Variants in PLEKHM3 observed in about 807,000 individuals in gnomAD.
The protein encoded by PLEKHM3 is pleckstrin homology domain-containing family M member 3.
Under a neutral mutation model 81.8 loss-of-function variants are expected in PLEKHM3, and 45 were observed. That is an observed-to-expected ratio of 0.55 (90% confidence interval 0.43 to 0.71). PLEKHM3 has a LOEUF of 0.71. PLEKHM3 is among the 30% of genes least tolerant of loss of function. PLEKHM3 has a pLI of 0.00. For synonymous variants in PLEKHM3, 352 were observed against 356.4 expected (o/e 0.99, Z 0.14); for missense variants, 788 against 924.3 (o/e 0.85, Z 1.91).
chr2:207,976,988 C>G lies in PLEKHM3; in HGVS notation c.1209G>C (p.Leu403Phe), dbSNP rs759453915. 2.5e-6 allele frequency: 4 copies of G among 1,614,196 alleles called. No homozygotes were observed. The highest frequency in any genetic ancestry group is 3.4e-6 in the Non-Finnish European group (4 of 1,180,032). ...CCAGACACACGTCCACGTTGTAGCT[C>G]AACAGTGGATCCTCGTCTAGCTTGC... ...QPGKLDEDPL[L>F]SYNVDVCLAV... The change falls in exon 3 of 8, where the codon TTG (leucine) becomes TTC (phenylalanine). Residue 403 changes from leucine (L) to phenylalanine (F), a missense_variant. Transcript: ENST00000427836. The surrounding 1 kb of genome is among the most constrained non-coding windows in gnomAD (Gnocchi z 4.1).
At chr2:207,829,945 A>G (rs147855091) in intron 7 of PLEKHM3, among the ~76,000 whole-genome samples, 6 of 152,210 alleles carry the variant, frequency 3.9e-5, no homozygotes, top group African/African-American at 1.4e-4. Context: ...GGCTTAGTGA[A>G]AGGAAGATCT....
chr2:208,022,250 C>CCAA (rs1338365775), intron 1 of PLEKHM3, among the ~76,000 whole-genome samples: 5 of 152,184 alleles, frequency 3.3e-5, no homozygotes, highest in African/African-American at 1.2e-4. Flanking sequence ...TGATACTTTG[C>CCAA]TATTGTTTCA....
intron 3 of PLEKHM3, among the ~76,000 whole-genome samples, chr2:207,964,022 G>T (rs1020069549): frequency 3.3e-5 from 5 of 152,114 alleles, no homozygotes; most frequent in Non-Finnish European, 7.3e-5. Context: ...GACCAGCCTG[G>T]CCAATATGGT....
At chr2:208,020,639 C>T (rs971718137) in intron 1 of PLEKHM3, among the ~76,000 whole-genome samples, 3 of 152,132 alleles carry the variant, frequency 2.0e-5, no homozygotes, top group African/African-American at 4.8e-5. Flanking sequence ...ATCAGAAACT[C>T]CAAGCTAGGA....
At chr2:207,978,917 A>G (rs1559267327) in intron 2 of PLEKHM3, among the ~76,000 whole-genome samples, 1 of 152,170 alleles carries the variant, frequency 6.6e-6, no homozygotes. Context: ...AATTTTTTTT[A>G]AGGCTGTCTT....
chr2:207,893,853 C>T (rs540690864), intron 6 of PLEKHM3, among the ~76,000 whole-genome samples: 210 of 152,296 alleles, frequency 1.4e-3, no homozygotes, highest in African/African-American at 4.6e-3. Flanking sequence ...CAGTGGCTCA[C>T]ACCTGTAATC....
chr2:207,948,639 G>A (rs1423299600), intron 3 of PLEKHM3, among the ~76,000 whole-genome samples: 9 of 150,824 alleles, frequency 6.0e-5, no homozygotes, highest in Admixed American at 4.7e-4. Flanking sequence ...CGCGTCCCGC[G>A]CTCATGCCAT....
chr2:207,849,159 C>A (rs904384518), intron 7 of PLEKHM3, among the ~76,000 whole-genome samples: 1 of 152,060 alleles, frequency 6.6e-6, no homozygotes, highest in Admixed American at 6.5e-5. Flanking sequence ...CATGGCGAAA[C>A]CCCATCTGTA....
chr2:207,947,223 T>C (rs1357802121), intron 3 of PLEKHM3, among the ~76,000 whole-genome samples: 2 of 152,202 alleles, frequency 1.3e-5, no homozygotes, highest in African/African-American at 4.8e-5. Context: ...AAACACAGCA[T>C]GCTTACTCCA....
At chr2:207,901,937 T>C (rs1173629007) in intron 6 of PLEKHM3, among the ~76,000 whole-genome samples, 1 of 152,202 alleles carries the variant, frequency 6.6e-6, no homozygotes, top group Non-Finnish European at 1.5e-5. Context: ...GCACTTGCCA[T>C]GGAACAACAC....
intron 6 of PLEKHM3, among the ~76,000 whole-genome samples, chr2:207,880,762 CAAAAAAA>C (rs61384566): frequency 0.01 from 73 of 6,964 alleles, no homozygotes; most frequent in African/African-American, 0.012. Flanking sequence ...GACTCTGTCT[CAAAAAAA>C]AAAAAAAAAA....
chr2:207,989,950 C>T (rs898733415), intron 2 of PLEKHM3, among the ~76,000 whole-genome samples: 9 of 152,154 alleles, frequency 5.9e-5, no homozygotes, highest in Admixed American at 2.0e-4. Context: ...TCTGGGGGAG[C>T]GGACCAGAAT....
In PLEKHM3 at chr2:208,001,289, A is replaced by G; in HGVS notation, c.351T>C (p.Phe117=). 6.2e-7 allele frequency: 1 copy of G among 1,614,234 alleles called. No individual in the cohort carries two copies. Among genetic ancestry groups the G allele is most frequent in the Non-Finnish European group, 8.5e-7 (1 of 1,180,036 alleles). The change falls in exon 2 of 8, where the codon TTT becomes TTC. Residue 117 remains phenylalanine, a synonymous_variant. Transcript: ENST00000427836. ...SWMEQKEAST[F]NFFNICQRRR... ...GACGCTGACAGATATTGAAGAAATT[A>G]AAGGTTGATGCTTCCTTTTGTTCCA... is the stretch of plus-strand genomic sequence containing the variant.
intron 6 of PLEKHM3, among the ~76,000 whole-genome samples, chr2:207,863,737 T>C (rs546959773): frequency 1.3e-5 from 2 of 152,144 alleles, no homozygotes; most frequent in Non-Finnish European, 2.9e-5. Flanking sequence ...AGATGCAGCA[T>C]GAGGCTCTTA....
At chr2:207,926,547 CCA>C (rs1156677521) in intron 5 of PLEKHM3, among the ~76,000 whole-genome samples, 4 of 152,304 alleles carry the variant, frequency 2.6e-5, no homozygotes, top group African/African-American at 4.8e-5. Context: ...CCCAGATTTT[CCA>C]CAGAGTTCTT....
chr2:207,915,864 C>T (rs929428548), intron 5 of PLEKHM3, among the ~76,000 whole-genome samples: 5 of 152,146 alleles, frequency 3.3e-5, no homozygotes, highest in African/African-American at 1.2e-4. Flanking sequence ...GTTGAGATGG[C>T]CAGTGTCTTT....
At chr2:207,841,930 C>T (rs142659994) in intron 7 of PLEKHM3, among the ~76,000 whole-genome samples, 3,130 of 151,926 alleles carry the variant, frequency 0.021, 55 homozygotes, top group Non-Finnish European at 0.031. Flanking sequence ...TTTACTGCCC[C>T]GATCTTTATT....
chr2:207,923,807 C>T (rs891932264), intron 5 of PLEKHM3, among the ~76,000 whole-genome samples: 1 of 143,462 alleles, frequency 7.0e-6, no homozygotes, highest in African/African-American at 2.6e-5. Context: ...TGAAACATAC[C>T]TGACCACATG....
intron 1 of PLEKHM3, among the ~76,000 whole-genome samples, chr2:208,023,517 C>T (rs370428472): frequency 2.6e-5 from 4 of 151,918 alleles, no homozygotes; most frequent in South Asian, 4.1e-4. Flanking sequence ...GGACCAGCCA[C>T]GCATTGCTGT....
Sources: gnomAD v4.1 joint callset for allele counts (sites outside exome capture counted in the v4.1 genomes callset) on GRCh38, gnomAD v4.1.1 for gene constraint, Gnocchi (gnomAD v3.1) non-coding constraint, MANE v1.5 for transcripts, NCBI Gene and HGNC (gene_info 2026-07-23, HGNC 2026-07-21) for gene names.